The following DMD variants were observed in gnomAD, a reference collection of about 807,000 sequenced individuals.
DMD encodes the protein mutant dystrophin.
DMD carries 63 observed loss-of-function variants against 330.1 expected under a neutral mutation model. That is an observed-to-expected ratio of 0.19 (90% CI 0.16 to 0.24). The LOEUF is 0.24. Ranked by LOEUF, DMD falls within the 10% of genes least tolerant of loss-of-function variation. The pLI, the probability that DMD is intolerant of heterozygous loss-of-function variation, is 1.00. For synonymous variants in DMD, 1,223 were observed against 959.8 expected (o/e 1.27, Z -5.07); for missense variants, 3,344 against 2,684.1 (o/e 1.25, Z -5.43).
At chrX:33,273,610 T>C (rs1475072498) in intron 1 of DMD, among the ~76,000 whole-genome samples, 2 of 112,213 alleles carry the variant, frequency 1.8e-5, no homozygotes, top group African/African-American at 6.5e-5. Flanking sequence ...TTCTAAAAGT[T>C]TGACTTTTTA....
intron 1 of DMD, among the ~76,000 whole-genome samples, chrX:33,201,807 C>T (rs901619673): frequency 8.9e-6 from 1 of 112,318 alleles, no homozygotes; most frequent in African/African-American, 3.2e-5. Context: ...GCTTTTTGTT[C>T]ATGTAGCACA....
At chrX:31,890,390 G>GAA (rs1404076001) in intron 47 of DMD, among the ~76,000 whole-genome samples, 1 of 106,903 alleles carries the variant, frequency 9.4e-6, no homozygotes, top group African/African-American at 3.4e-5. Flanking sequence ...AAGAAAGAAA[G>GAA]AAAAAAGAAA....
chrX:32,063,619 T>C (rs750110745), intron 44 of DMD, among the ~76,000 whole-genome samples: 1 of 111,564 alleles, frequency 9.0e-6, no homozygotes, highest in African/African-American at 3.2e-5. Flanking sequence ...ATGATTCTCA[T>C]ATCTTTCAAA....
chrX:32,938,028 G>A (rs893304280), intron 2 of DMD, among the ~76,000 whole-genome samples: 3 of 110,918 alleles, frequency 2.7e-5, no homozygotes, highest in Middle Eastern at 4.8e-3. Flanking sequence ...TGAGATGCTC[G>A]GATTACAGAC....
intron 7 of DMD, among the ~76,000 whole-genome samples, chrX:32,751,742 G>A (rs1383510617): frequency 8.9e-6 from 1 of 112,079 alleles, no homozygotes; most frequent in African/African-American, 3.2e-5. Context: ...TCACATGTCT[G>A]GAGTTTAGGA....
intron 1 of DMD, among the ~76,000 whole-genome samples, chrX:33,310,341 T>A (rs758412432): frequency 4.8e-4 from 54 of 111,347 alleles, no homozygotes; most frequent in African/African-American, 1.7e-3. Flanking sequence ...AAATATTTTA[T>A]ATCAATGAAT....
intron 2 of DMD, among the ~76,000 whole-genome samples, chrX:32,893,402 T>C (rs1002949088): frequency 8.9e-6 from 1 of 111,842 alleles, no homozygotes; most frequent in African/African-American, 3.3e-5. Context: ...ATTTCTTTCC[T>C]TAAAAAATGA....
At chrX:32,035,784 G>A (rs900186418) in intron 44 of DMD, among the ~76,000 whole-genome samples, 5 of 111,345 alleles carry the variant, frequency 4.5e-5, no homozygotes, top group African/African-American at 6.5e-5. Context: ...AGGAATGGGA[G>A]AGATAGGCAG....
intron 41 of DMD, among the ~76,000 whole-genome samples, chrX:32,315,881 T>C (rs1212839888): frequency 1.8e-5 from 2 of 112,205 alleles, no homozygotes; most frequent in African/African-American, 6.5e-5. Flanking sequence ...TAATCATCCT[T>C]TTACTCTCTG....
At chrX:32,603,290 G>T (rs770966007) in intron 12 of DMD, among the ~76,000 whole-genome samples, 9 of 111,232 alleles carry the variant, frequency 8.1e-5, no homozygotes, top group Non-Finnish European at 1.3e-4. Context: ...AATCAAGGAA[G>T]AAATTAAAAC....
At chrX:32,468,742 T>C (rs1308862873) in intron 22 of DMD, 32 bp from the exon 23 acceptor site, 1 of 1,091,120 alleles carries the variant, frequency 9.2e-7, no homozygotes. Flanking sequence ...ACATTTACCC[T>C]AATTGATGAA....
chrX:32,816,425 C>T (rs775921184), intron 6 of DMD, 43 bp downstream of exon 6: 2 of 1,192,954 alleles, frequency 1.7e-6, no homozygotes, highest in African/African-American at 1.8e-5. Context: ...GAGTCTAAAT[C>T]ACCACTTTTA....
At chrX:31,685,650 G>A (rs2082643920) in intron 52 of DMD, among the ~76,000 whole-genome samples, 1 of 112,302 alleles carries the variant, frequency 8.9e-6, no homozygotes. Flanking sequence ...TCTGCCGTTG[G>A]CACTCATCCT....
intron 4 of DMD, among the ~76,000 whole-genome samples, chrX:32,830,572 C>G (rs1250175467): frequency 9.0e-6 from 1 of 110,751 alleles, no homozygotes; most frequent in Non-Finnish European, 1.9e-5. Context: ...CTGTTTTGCA[C>G]AATGAAAACA....
At chrX:33,080,974 T>TCACACACGCACA (rs2094919554) in intron 1 of DMD, among the ~76,000 whole-genome samples, 1 of 92,705 alleles carries the variant, frequency 1.1e-5, no homozygotes, top group Non-Finnish European at 2.2e-5. Context: ...TTTATAAACA[T>TCACACACGCACA]CACACACACA....
Position 32,310,146 on chromosome X carries a change from A to C in DMD, c.6053T>G (p.Leu2018Arg), listed in dbSNP as rs768910735. The change falls in exon 42 of 79, where the codon CTC (leucine) becomes CGC (arginine). Residue 2018 changes from leucine to arginine, a missense_variant. Coordinates refer to ENST00000357033, the MANE Select transcript of DMD (RefSeq NM_004006.3). The part of the protein sequence containing the change: ...SQALLEVEQL[L>R]NAPDLCAKDF... Reference sequence around the variant, plus strand: ...CTTAGCACAGAGGTCAGGAGCATTGAGAAGTTGTTCCACTTCTAATAGGGC... The same window carrying C: ...CTTAGCACAGAGGTCAGGAGCATTGCGAAGTTGTTCCACTTCTAATAGGGC... 5.0e-6 allele frequency: 6 copies of C among 1,208,008 alleles called. No homozygotes were observed. Among genetic ancestry groups the C allele is most frequent in the Non-Finnish European group, 6.7e-6 (6 of 893,637 alleles).
intron 21 of DMD, among the ~76,000 whole-genome samples, chrX:32,481,847 T>C (rs2041928835): frequency 8.9e-6 from 1 of 111,985 alleles, no homozygotes; most frequent in African/African-American, 3.2e-5. Context: ...ACCATGTATA[T>C]TACCTAGTGC....
At position 33,018,586 on chromosome X, in the gene DMD, T is replaced by C. The variant is rs766725353; in HGVS notation, c.93+1553A>G. Among the ~76,000 whole-genome samples, 3 of 105,558 alleles carry C rather than the reference T, an allele frequency of 2.8e-5. No homozygotes were observed. In the East Asian group the frequency reaches 9.1e-4, roughly 32 times the overall value. 91.7% of individuals were successfully genotyped at this position (105,558 alleles called of 115,157 possible). On this transcript the variant is annotated intron_variant, in intron 2 of 78. Transcript: ENST00000357033. The stretch of plus-strand genomic sequence containing the variant: ...GAATGAGGATACACAGTACTTGTCA[T>C]GTTTACACACCTTTTAAAAATTACT...
At chrX:32,770,209 T>G (rs940659617) in intron 7 of DMD, among the ~76,000 whole-genome samples, 5 of 111,763 alleles carry the variant, frequency 4.5e-5, no homozygotes, top group Non-Finnish European at 9.4e-5. Flanking sequence ...ACCTGTCATC[T>G]TCAAACACTA....
Sources: gnomAD v4.1 joint callset for allele counts (sites outside exome capture counted in the v4.1 genomes callset) on GRCh38, gnomAD v4.1.1 for gene constraint, MANE v1.5 for transcripts, NCBI Gene and HGNC (gene_info 2026-07-23, HGNC 2026-07-21) for gene names.